The following RARB variants were observed in gnomAD, a reference collection of about 807,000 sequenced individuals.
The protein encoded by RARB is retinoic acid receptor beta, also known as HBV-activated protein.
A neutral mutation model predicts 51.9 loss-of-function variants in RARB; 17 were observed. The ratio of observed to expected loss-of-function variants is 0.33; its 90% CI spans 0.22 to 0.49. The LOEUF is 0.49. RARB is among the 20% of genes least tolerant of loss of function. The pLI is 0.99. For missense variants in RARB, 369 were observed against 550.8 expected (o/e 0.67, Z 3.30); for synonymous variants, 215 against 195.4 (o/e 1.10, Z -0.84).
Position 25,070,160 on chromosome 3 carries a change from A to G in RARB, c.-328+9984A>G, listed in dbSNP as rs1381155638. On this transcript the variant is annotated intron_variant, in intron 3 of 11. Coordinates refer to the RARB transcript ENST00000383772. Reference sequence around the variant, plus strand: ...CTCCAATCTCTGCCTTCACCAGCGCATGGCGTTCTCCCTGTGTGTCTCTGT... The same window carrying G: ...CTCCAATCTCTGCCTTCACCAGCGCGTGGCGTTCTCCCTGTGTGTCTCTGT... Among the ~76,000 whole-genome samples the G allele has an allele frequency of 2.0e-5, 3 of 152,166 alleles. No individual in the cohort carries two copies. The East Asian group carries it at 5.8e-4, about 29-fold the overall frequency.
intron 3 of RARB, among the ~76,000 whole-genome samples, chr3:25,082,959 G>T (rs774893646): frequency 2.6e-5 from 4 of 151,896 alleles, no homozygotes; most frequent in South Asian, 2.1e-4. Context: ...TTGGAAGCTG[G>T]TTTTTTTAAT....
intron 5 of RARB, among the ~76,000 whole-genome samples, chr3:25,392,893 C>T (rs1032122658): frequency 1.3e-5 from 2 of 152,198 alleles, no homozygotes; most frequent in Admixed American, 1.3e-4. Flanking sequence ...TTTCTCTTGT[C>T]TGATTGCTCT....
intron 5 of RARB, among the ~76,000 whole-genome samples, chr3:25,291,576 T>C (rs1227484738): frequency 1.3e-5 from 2 of 151,488 alleles, no homozygotes; most frequent in Admixed American, 6.6e-5. Context: ...CTGAGATTGT[T>C]AGAGGGGAGC....
intron 4 of RARB, among the ~76,000 whole-genome samples, chr3:25,154,553 C>T (rs1235183964): frequency 6.6e-6 from 1 of 152,200 alleles, no homozygotes; most frequent in East Asian, 1.9e-4. Context: ...CACACAGCTG[C>T]CAAAGTGGCC....
intron 5 of RARB, among the ~76,000 whole-genome samples, chr3:25,380,615 G>A (rs1010826345): frequency 6.6e-6 from 1 of 152,148 alleles, no homozygotes; most frequent in Non-Finnish European, 1.5e-5. Flanking sequence ...AAGCAACCAG[G>A]ATTTGAGTGG....
chr3:24,928,250 G>T (rs761742839), intron 2 of RARB, among the ~76,000 whole-genome samples: 1 of 151,876 alleles, frequency 6.6e-6, no homozygotes, highest in Non-Finnish European at 1.5e-5. Context: ...CCTTATAAAA[G>T]TATCTCTGGT....
At chr3:25,526,543 AAAATT>A (rs1208428166) in intron 3 of RARB, among the ~76,000 whole-genome samples, 2 of 152,204 alleles carry the variant, frequency 1.3e-5, no homozygotes, top group African/African-American at 2.4e-5. Flanking sequence ...AGAGAAATGA[AAAATT>A]AAGTTAAATT....
intron 5 of RARB, among the ~76,000 whole-genome samples, chr3:25,216,572 G>A (rs780072219): frequency 2.6e-5 from 4 of 151,860 alleles, no homozygotes; most frequent in Admixed American, 2.0e-4. Flanking sequence ...AACACACACC[G>A]GGGCCTATTG....
At chr3:25,444,992 C>T (rs1708865493) in intron 1 of RARB, among the ~76,000 whole-genome samples, 1 of 152,006 alleles carries the variant, frequency 6.6e-6, no homozygotes, top group Admixed American at 6.6e-5. Context: ...CTCTGTCGCC[C>T]AGGCTGGAGT....
intron 2 of RARB, among the ~76,000 whole-genome samples, chr3:24,962,254 C>A (rs1220852531): frequency 6.6e-6 from 1 of 152,058 alleles, no homozygotes. Flanking sequence ...TAAAGAATAT[C>A]CTTTGAAAGA....
At chr3:25,354,987 G>A (rs187666776) in intron 5 of RARB, among the ~76,000 whole-genome samples, 26 of 151,914 alleles carry the variant, frequency 1.7e-4, no homozygotes, top group African/African-American at 6.0e-4. Flanking sequence ...TTGAATCCCA[G>A]CTCTTCCACT....
At chr3:24,999,730 G>A (rs1400416939) in intron 2 of RARB, among the ~76,000 whole-genome samples, 3 of 152,120 alleles carry the variant, frequency 2.0e-5, no homozygotes, top group Non-Finnish European at 4.4e-5. Flanking sequence ...ATTCTTCCCT[G>A]TAGCCAAGAC....
chr3:25,382,024 A>C (rs1174832280), intron 5 of RARB, among the ~76,000 whole-genome samples: 1 of 152,172 alleles, frequency 6.6e-6, no homozygotes, highest in Non-Finnish European at 1.5e-5. Flanking sequence ...AAGTAGCTTG[A>C]GTAGGGTGCA....
In RARB at chr3:25,477,462, T is replaced by G. The variant is rs138007129; in HGVS notation, c.306+16121T>G. Among the ~76,000 whole-genome samples the G allele has an allele frequency of 2.6e-4, 40 of 152,354 alleles. No homozygotes were observed. The East Asian group carries it at 6.8e-3, about 26-fold the overall frequency. ...GCCCCAAGTTGAACTGGTTTTGGGT[T>G]TCAAATATTGGTCTTTCCCTGTTTG... On this transcript the variant is annotated intron_variant, in intron 2 of 7. Coordinates refer to ENST00000330688, the MANE Select transcript of RARB (RefSeq NM_000965.5).
intron 5 of RARB, among the ~76,000 whole-genome samples, chr3:25,399,613 C>T (rs959058206): frequency 2.0e-4 from 31 of 152,178 alleles, no homozygotes; most frequent in Non-Finnish European, 2.9e-5. Flanking sequence ...AAAAAGCCTC[C>T]GTGTGAGTCC....
chr3:25,214,425 C>A (rs1171760332), intron 5 of RARB, among the ~76,000 whole-genome samples: 1 of 152,134 alleles, frequency 6.6e-6, no homozygotes, highest in Non-Finnish European at 1.5e-5. Context: ...CACCGGGAGA[C>A]AATATCTGAG....
At chr3:25,377,013 T>TTTTTTTTG (rs1553609073) in intron 5 of RARB, among the ~76,000 whole-genome samples, 1 of 137,868 alleles carries the variant, frequency 7.3e-6, no homozygotes, top group Non-Finnish European at 1.7e-5. Flanking sequence ...AATGTATTAG[T>TTTTTTTTG]TTAGTTTGTT....
chr3:25,198,998 T>G (rs781268377), intron 5 of RARB, among the ~76,000 whole-genome samples: 2 of 152,200 alleles, frequency 1.3e-5, no homozygotes, highest in Non-Finnish European at 2.9e-5. Context: ...ATTCTCATGT[T>G]TATTGTAGCA....
chr3:25,510,152 A>G (rs889264239), intron 3 of RARB, among the ~76,000 whole-genome samples: 2 of 152,176 alleles, frequency 1.3e-5, no homozygotes, highest in Non-Finnish European at 2.9e-5. Flanking sequence ...CCTGAGATTG[A>G]GAGAGGGTAA....
Sources: gnomAD v4.1 joint callset for allele counts (sites outside exome capture counted in the v4.1 genomes callset) on GRCh38, gnomAD v4.1.1 for gene constraint, MANE v1.5 for transcripts, NCBI Gene and HGNC (gene_info 2026-07-23, HGNC 2026-07-21) for gene names.